PTPRD: variants seen among roughly 807,000 people sequenced by gnomAD.
PTPRD encodes the protein protein tyrosine phosphatase receptor type D, also known as receptor-type tyrosine-protein phosphatase delta.
In PTPRD, 34 loss-of-function variants were observed where a neutral mutation model predicts 214.5. That is an observed-to-expected ratio of 0.16 (90% confidence interval 0.12 to 0.21). The LOEUF (loss-of-function observed/expected upper bound fraction) is 0.21. PTPRD is among the 10% of genes least tolerant of loss of function. The pLI is 1.00. For missense variants in PTPRD, 2,545 were observed against 2,398.7 expected (o/e 1.06, Z -1.27); for synonymous variants, 1,128 against 845.7 (o/e 1.33, Z -5.79).
At chr9:9,368,362 G>T (rs1047695948) in intron 9 of PTPRD, among the ~76,000 whole-genome samples, 33 of 151,726 alleles carry the variant, frequency 2.2e-4, no homozygotes, top group African/African-American at 8.0e-4. Context: ...GGAAAAGACA[G>T]GTAAGATAAT....
chr9:8,334,952 C>G (rs1845136796), intron 43 of PTPRD, among the ~76,000 whole-genome samples: 1 of 150,178 alleles, frequency 6.7e-6, no homozygotes, highest in African/African-American at 2.5e-5. Context: ...CCTCCCAAGA[C>G]TAAACCAGGA....
chr9:8,591,959 T>C lies in PTPRD; in HGVS notation c.352+41358A>G, dbSNP rs148459855. ...ATTTCTGGACAGAGAAAAAATAAAT[T>C]TGGGGCAGCTAGCTGTTGGTTTTAC... On this transcript the variant is annotated intron_variant, in intron 14 of 45. Transcript: ENST00000381196. Among the ~76,000 whole-genome samples, 203 of 152,192 alleles carry C rather than the reference T, an allele frequency of 1.3e-3. 3 individuals carry two copies. In the East Asian group the frequency reaches 0.035, roughly 26 times the overall value.
intron 3 of PTPRD, among the ~76,000 whole-genome samples, chr9:10,267,371 T>C (rs2094141058): frequency 6.6e-6 from 1 of 152,080 alleles, no homozygotes; most frequent in South Asian, 2.1e-4. Context: ...CAAATTTATA[T>C]AGGAAGCAAC....
chr9:8,372,154 T>A (rs1415711819), intron 39 of PTPRD, among the ~76,000 whole-genome samples: 1 of 152,018 alleles, frequency 6.6e-6, no homozygotes, highest in Non-Finnish European at 1.5e-5. Flanking sequence ...ATTGCCATAG[T>A]AGAAAATATG....
At chr9:9,493,028 C>T (rs904916719) in intron 8 of PTPRD, among the ~76,000 whole-genome samples, 2 of 149,020 alleles carry the variant, frequency 1.3e-5, no homozygotes, top group Non-Finnish European at 3.0e-5. Flanking sequence ...TCTCCCTCTC[C>T]TCAGGCTTCC....
intron 7 of PTPRD, among the ~76,000 whole-genome samples, chr9:9,633,828 T>C (rs2095668489): frequency 6.6e-6 from 1 of 152,150 alleles, no homozygotes; most frequent in Admixed American, 6.6e-5. Flanking sequence ...CAAAATAATG[T>C]GTTGTCTTTT....
intron 3 of PTPRD, among the ~76,000 whole-genome samples, chr9:10,203,660 C>T (rs1255729144): frequency 2.0e-5 from 3 of 152,042 alleles, no homozygotes; most frequent in African/African-American, 7.2e-5. Context: ...AATAAAGATC[C>T]TTAATTGGGA....
chr9:9,219,672 T>G (rs1349681009), intron 9 of PTPRD, among the ~76,000 whole-genome samples: 1 of 152,164 alleles, frequency 6.6e-6, no homozygotes, highest in Non-Finnish European at 1.5e-5. Context: ...AACACCAAAC[T>G]TGATTCTCTG....
intron 12 of PTPRD, among the ~76,000 whole-genome samples, chr9:8,696,911 A>C (rs1565357858): frequency 6.6e-6 from 1 of 152,224 alleles, no homozygotes; most frequent in Non-Finnish European, 1.5e-5. Context: ...AGAGGTGCAC[A>C]GAAGAAAGAG....
intron 10 of PTPRD, among the ~76,000 whole-genome samples, chr9:9,080,454 T>C (rs2099757358): frequency 6.6e-6 from 1 of 152,130 alleles, no homozygotes; most frequent in South Asian, 2.1e-4. Context: ...GCACTTTACT[T>C]GAATAGACCC....
At chr9:10,580,873 C>A (rs1205910479) in intron 2 of PTPRD, among the ~76,000 whole-genome samples, 2 of 152,088 alleles carry the variant, frequency 1.3e-5, no homozygotes, top group African/African-American at 4.8e-5. Context: ...ACACATAAAT[C>A]TTAATATATC....
intron 7 of PTPRD, among the ~76,000 whole-genome samples, chr9:9,629,238 G>GTATATATATATATATATATATA (rs113482595): frequency 1.6e-4 from 22 of 140,348 alleles, no homozygotes; most frequent in African/African-American, 5.4e-4. Context: ...GTGTGTGTGT[G>GTATATATATATATATATATATA]TATATATATA....
intron 8 of PTPRD, among the ~76,000 whole-genome samples, chr9:9,540,868 C>T (rs545018684): frequency 1.0e-3 from 155 of 151,702 alleles, no homozygotes; most frequent in African/African-American, 3.5e-3. Context: ...TTCCACTTAC[C>T]GCTGGGATGC....
chr9:8,398,510 C>T (rs1395595366), intron 36 of PTPRD, among the ~76,000 whole-genome samples: 1 of 152,136 alleles, frequency 6.6e-6, no homozygotes. Context: ...AAAAATAACA[C>T]ACTGCTCTGA....
In PTPRD at chr9:8,563,722, C is replaced by T. The variant is rs534205196; in HGVS notation, c.353-34943G>A. Reference sequence around the variant, plus strand: ...TGTCACCCAGGCTGGAACGCAGTGGCACAATCTCAGCTCATTGCAACCTCC... The same window carrying T: ...TGTCACCCAGGCTGGAACGCAGTGGTACAATCTCAGCTCATTGCAACCTCC... On this transcript the variant is annotated intron_variant, in intron 14 of 45. Transcript: ENST00000381196. Among the ~76,000 whole-genome samples, 21 of 152,224 alleles carry T rather than the reference C, an allele frequency of 1.4e-4. No homozygotes were observed. The East Asian group carries it at 3.9e-3, about 28-fold the overall frequency.
At chr9:8,328,113 C>T (rs184799908) in intron 44 of PTPRD, among the ~76,000 whole-genome samples, 232 of 152,224 alleles carry the variant, frequency 1.5e-3, no homozygotes, top group African/African-American at 4.8e-3. Flanking sequence ...TTCCCAGCAT[C>T]GATGGTCTTT....
At position 10,306,711 on chromosome 9, in the gene PTPRD, G is replaced by A. The variant is rs113263192; in HGVS notation, c.-545+34252C>T. On this transcript the variant is annotated intron_variant, in intron 3 of 45. Coordinates refer to ENST00000381196, the MANE Select transcript of PTPRD (RefSeq NM_002839.4). Reference sequence around the variant, plus strand: ...TCCAACCAGAGTCTCAAAATTCTATGTTGTCTTGAATTCACTTGCTTCAAG... The same window carrying A: ...TCCAACCAGAGTCTCAAAATTCTATATTGTCTTGAATTCACTTGCTTCAAG... Among the ~76,000 whole-genome samples the A allele has an allele frequency of 6.8e-4, 103 of 152,132 alleles. 3 individuals are homozygous for A. Among genetic ancestry groups the A allele is most frequent in the African/African-American group, 1.9e-3 (80 of 41,520 alleles).
chr9:10,286,439 T>A (rs2095356135), intron 3 of PTPRD, among the ~76,000 whole-genome samples: 1 of 151,880 alleles, frequency 6.6e-6, no homozygotes, highest in Non-Finnish European at 1.5e-5. Flanking sequence ...GAGACCTCAT[T>A]AGAAAATAAA....
intron 8 of PTPRD, among the ~76,000 whole-genome samples, chr9:9,415,291 A>G (rs1173807377): frequency 6.6e-6 from 1 of 151,972 alleles, no homozygotes; most frequent in East Asian, 1.9e-4. Context: ...CTGGCTAACA[A>G]GGCAAAACTC....
Sources: allele counts gnomAD v4.1 joint callset (sites outside exome capture counted in the v4.1 genomes callset), GRCh38; gene constraint gnomAD v4.1.1; transcripts MANE v1.5; gene names NCBI Gene and HGNC (gene_info 2026-07-23, HGNC 2026-07-21).